SNX15: variants seen among roughly 807,000 people sequenced by gnomAD.
SNX15 encodes the protein sorting nexin-15.
Under a neutral mutation model 35.2 loss-of-function variants are expected in SNX15, and 29 were observed. The ratio of observed to expected loss-of-function variants is 0.82; its 90% CI spans 0.61 to 1.12. The LOEUF (loss-of-function observed/expected upper bound fraction) is 1.12. SNX15 is among the 50% of genes most tolerant of loss of function. The pLI is 0.00. For missense variants in SNX15, 400 were observed against 451.5 expected (o/e 0.89, Z 1.03); for synonymous variants, 189 against 188.2 (o/e 1.00, Z -0.03).
intron 2 of SNX15, 89 bp from the exon 3 acceptor site, chr11:65,032,342 G>T (rs1339942843): frequency 3.1e-6 from 5 of 1,604,496 alleles, no homozygotes; most frequent in Non-Finnish European, 4.3e-6. Flanking sequence ...GCTGCTTCCT[G>T]ATCCTCACGC....
Position 65,038,666 on chromosome 11 carries a change from G to A in SNX15, c.759G>A (p.Gly253=), listed in dbSNP as rs1201629488. 5 of 1,612,640 alleles carry A rather than the reference G, an allele frequency of 3.1e-6. No individual in the cohort carries two copies. The highest frequency in any genetic ancestry group is 4.2e-6 in the Non-Finnish European group (5 of 1,179,484). ...RLDQEPWEPG[G]QEEEEDGEGG... ...ACCAGGAACCCTGGGAGCCAGGAGGGCAGGAGGAGGAAGAGGATGGGGAAG... is the reference window on the plus strand; with the variant it reads ...ACCAGGAACCCTGGGAGCCAGGAGGACAGGAGGAGGAAGAGGATGGGGAAG... The change falls in exon 7 of 8, where the codon GGG becomes GGA. Residue 253 remains glycine, a synonymous_variant. Transcript: ENST00000377244.
chr11:65,028,389 C>T (rs571078223), intron 1 of SNX15, among the ~76,000 whole-genome samples: 4 of 152,240 alleles, frequency 2.6e-5, no homozygotes, highest in South Asian at 2.1e-4. Context: ...TTCAACCAGG[C>T]GACTATTAAG....
chr11:65,035,219 G>C lies in SNX15; in HGVS notation c.520+13G>C. On this transcript the variant is annotated intron_variant, in intron 5 of 7. Coordinates refer to ENST00000377244, the MANE Select transcript of SNX15 (RefSeq NM_013306.5). ...TTGGAGGTGCCAGGTACATCGGGGT[G>C]GGAGGAGGGAACCAGGGCTGGAGGG... The C allele has an allele frequency of 6.4e-7, 1 of 1,558,950 alleles. No homozygotes were observed. The highest frequency in any genetic ancestry group is 8.6e-7 in the Non-Finnish European group (1 of 1,157,646).
At position 65,038,724 on chromosome 11, in the gene SNX15, A is replaced by G; in HGVS notation, c.817A>G (p.Thr273Ala). The change falls in exon 7 of 8, where the codon ACA becomes GCA. Residue 273 changes from threonine (T) to alanine (A), a missense_variant. Thr to Ala is a moderately conservative substitution (Grantham distance 58). Coordinates refer to ENST00000377244, the MANE Select transcript of SNX15 (RefSeq NM_013306.5). The stretch of plus-strand genomic sequence containing the variant: ...CACCCCTGCCTACCTAAGCCAGGCC[A>G]CAGAGCTCATCACCCAGGCCCTGCG... ...GPTPAYLSQA[T>A]ELITQALRDE... is the part of the protein sequence containing the mutation. 1.2e-6 allele frequency: 2 copies of G among 1,605,684 alleles called. No individual in the cohort carries two copies. The highest frequency in any genetic ancestry group is 1.7e-6 in the Non-Finnish European group (2 of 1,176,458).
At chr11:65,034,210 C>T (rs969630503) in intron 3 of SNX15, among the ~76,000 whole-genome samples, 1 of 152,102 alleles carries the variant, frequency 6.6e-6, no homozygotes, top group African/African-American at 2.4e-5. Flanking sequence ...CACTTGAGCT[C>T]AGGAGTTCAA....
chr11:65,035,053 C>T lies in SNX15; in HGVS notation c.373-6C>T. The T allele has an allele frequency of 1.9e-6, 3 of 1,613,752 alleles. No homozygotes were observed. The highest frequency in any genetic ancestry group is 1.3e-5 in the African/African-American group (1 of 75,038). ...ACTCCCCATGTCTGATCTTTCTGTC[C>T]TGCAGGGTGGGGAGGTGACCCGACC... is the stretch of plus-strand genomic sequence containing the variant. On this transcript the variant is annotated splice_polypyrimidine_tract_variant and splice_region_variant and intron_variant, in intron 4 of 7. Coordinates refer to ENST00000377244, the MANE Select transcript of SNX15 (RefSeq NM_013306.5).
chr11:65,036,668 C>T (rs528994068), intron 6 of SNX15: 5 of 150,270 alleles, frequency 3.3e-5, no homozygotes, highest in Admixed American at 6.6e-5. Context: ...TGAGCCACCG[C>T]GCTTGGCCCG....
Position 65,027,529 on chromosome 11 carries a change from C to T in SNX15, c.-9C>T. On this transcript the variant is annotated 5_prime_UTR_variant, in exon 1 of 8. Coordinates refer to ENST00000377244, the MANE Select transcript of SNX15 (RefSeq NM_013306.5). ...AGGCCGGCGCTCCGCTCCGCTCCAG[C>T]TCGGTTTCATGTCCCGCCAGGCGAA... is the stretch of plus-strand genomic sequence containing the variant. The T allele has an allele frequency of 6.2e-7, 1 of 1,612,892 alleles. No homozygotes were observed. Among genetic ancestry groups the T allele is most frequent in the South Asian group, 1.1e-5 (1 of 91,076 alleles).
intron 1 of SNX15, among the ~76,000 whole-genome samples, chr11:65,029,096 T>TATAAATAAATAAATAAATAAATAA (rs113466481): frequency 3.4e-5 from 5 of 148,448 alleles, no homozygotes; most frequent in South Asian, 2.1e-4. Flanking sequence ...GTCTCAAAAA[T>TATAAATAAATAAATAAATAAATAA]ATAAATAAAT....
In SNX15 at chr11:65,032,564, T is replaced by A; in HGVS notation, c.256+13T>A. 6 of 1,613,992 alleles carry A rather than the reference T, an allele frequency of 3.7e-6. No homozygotes were observed. Among genetic ancestry groups the A allele is most frequent in the Non-Finnish European group, 5.1e-6 (6 of 1,180,010 alleles). On this transcript the variant is annotated intron_variant, in intron 3 of 7. Coordinates refer to ENST00000377244, the MANE Select transcript of SNX15 (RefSeq NM_013306.5). ...GCCCAGGTGTTTGGTGAGTGTTAGATTGGGGCACTCGGGCCAAAGATGGAG... is the reference window on the plus strand; with the variant it reads ...GCCCAGGTGTTTGGTGAGTGTTAGAATGGGGCACTCGGGCCAAAGATGGAG...
rs767440936 is a variant in SNX15 at position 65,032,563 on chromosome 11, A to T, written c.256+12A>T. The T allele has an allele frequency of 6.2e-7, 1 of 1,614,026 alleles. No homozygotes were observed. Among genetic ancestry groups the T allele is most frequent in the South Asian group, 1.1e-5 (1 of 91,084 alleles). Reference sequence around the variant, plus strand: ...GGCCCAGGTGTTTGGTGAGTGTTAGATTGGGGCACTCGGGCCAAAGATGGA... The same window carrying T: ...GGCCCAGGTGTTTGGTGAGTGTTAGTTTGGGGCACTCGGGCCAAAGATGGA... On this transcript the variant is annotated intron_variant, in intron 3 of 7. Transcript: ENST00000377244.
rs548498369 is a variant in SNX15, at chr11:65,029,909, C to T, written c.100-2259C>T. ...TTATTTTATTTTATTTTATTTGCGA[C>T]GGGGTCTTGCTCTGTCACCCACGCT... On this transcript the variant is annotated intron_variant, in intron 1 of 7. Transcript: ENST00000377244. 1.5e-3 allele frequency among the ~76,000 whole-genome samples: 223 copies of T among 152,036 alleles called. 1 individual carries two copies. Among genetic ancestry groups the T allele is most frequent in the Non-Finnish European group, 2.4e-3 (164 of 67,984 alleles).
intron 5 of SNX15, 85 bp from the exon 6 acceptor site, chr11:65,035,435 G>A: frequency 1.4e-6 from 2 of 1,445,030 alleles, no homozygotes; most frequent in Non-Finnish European, 1.9e-6. Flanking sequence ...CATGGTTGCT[G>A]CAAGGGTTTA....
Position 65,035,128 on chromosome 11 carries a change from AC to A in SNX15, c.446del (p.Pro149ArgfsTer121). The stretch of plus-strand genomic sequence containing the variant: ...CATCCTGCCACCCCCTCTGATCCCC[AC>A]CCCGCCCCCTGATGACCCCCGGCTA... ...LHILPPPLIPTPPPDDPRLSQ... is the reference protein window; with the variant it reads ...LHILPPPLIPXPPPDDPRLSQ... On this transcript the variant is annotated frameshift_variant, in exon 5 of 8. Transcript: ENST00000377244. LOFTEE classifies it high-confidence loss of function. 8.0e-7 allele frequency: 1 copy of A among 1,253,146 alleles called. No individual in the cohort carries two copies. The highest frequency in any genetic ancestry group is 1.2e-5 in the South Asian group (1 of 80,458). The allele number at this position is 1,253,146 out of a possible 1,614,324, so 77.6% of individuals were successfully genotyped here.
rs556679451 is a variant in SNX15 at position 65,032,674 on chromosome 11, G to A, written c.256+123G>A. The A allele has an allele frequency of 5.6e-4, 680 of 1,210,912 alleles. 8 individuals are homozygous for A. In the Middle Eastern group the frequency reaches 6.9e-3, roughly 12 times the overall value. 75.0% of individuals were successfully genotyped at this position (1,210,912 alleles called of 1,614,324 possible). ...CCTGGGCAGAGTCATGTTTGGAAGG[G>A]CCCTTAGAGATGACCTCATTTGACA... is the stretch of plus-strand genomic sequence containing the variant. On this transcript the variant is annotated intron_variant, in intron 3 of 7. Coordinates refer to ENST00000377244, the MANE Select transcript of SNX15 (RefSeq NM_013306.5).
rs773202635 is a variant in SNX15, at chr11:65,032,435, T to C, written c.140T>C (p.Val47Ala). The change falls in exon 3 of 8, where the codon GTG (valine) becomes GCG (alanine). Residue 47 changes from valine to alanine, a missense_variant. Coordinates refer to ENST00000377244, the MANE Select transcript of SNX15 (RefSeq NM_013306.5). ...CAAGTCTCATGTACCTCATAGGTGGTGGTCTGGAAGCGGTACAGCGACTTC... is the reference window on the plus strand; with the variant it reads ...CAAGTCTCATGTACCTCATAGGTGGCGGTCTGGAAGCGGTACAGCGACTTC... ...KKDPEDVKEV[V>A]VWKRYSDFRK... is the part of the protein sequence containing the mutation. 1 of 1,614,050 alleles carries C rather than the reference T, an allele frequency of 6.2e-7. No individual in the cohort carries two copies. Among genetic ancestry groups the C allele is most frequent in the South Asian group, 1.1e-5 (1 of 91,080 alleles).
chr11:65,031,182 C>T (rs1946435837), intron 1 of SNX15, among the ~76,000 whole-genome samples: 1 of 151,942 alleles, frequency 6.6e-6, no homozygotes. Context: ...GCCACCACAC[C>T]CAGCTAATTT....
In SNX15 at chr11:65,034,845, A is replaced by G. The variant is rs757039899; in HGVS notation, c.257-2A>G. On this transcript the variant is annotated splice_acceptor_variant, in intron 3 of 7. Coordinates refer to ENST00000377244, the MANE Select transcript of SNX15 (RefSeq NM_013306.5). LOFTEE classifies it high-confidence loss of function. The stretch of plus-strand genomic sequence containing the variant: ...CCCTGTTCCTTGTCCTGGGGGCCGT[A>G]GGCCGGTTTGAAGCCTCAGTGATCG... 2 of 1,613,078 alleles carry G rather than the reference A, an allele frequency of 1.2e-6. No homozygotes were observed. The highest frequency in any genetic ancestry group is 1.7e-6 in the Non-Finnish European group (2 of 1,179,222).
At chr11:65,028,339 G>A (rs917373819) in intron 1 of SNX15, among the ~76,000 whole-genome samples, 3 of 152,144 alleles carry the variant, frequency 2.0e-5, no homozygotes, top group African/African-American at 7.2e-5. Context: ...AGGAGTTAGG[G>A]GAAGACTTTT....
Sources: gnomAD v4.1 joint callset for allele counts (sites outside exome capture counted in the v4.1 genomes callset) on GRCh38, gnomAD v4.1.1 for gene constraint, MANE v1.5 for transcripts, NCBI Gene and HGNC (gene_info 2026-07-23, HGNC 2026-07-21) for gene names.